LAMA3: variants seen among roughly 807,000 people sequenced by gnomAD.
LAMA3 encodes the protein laminin subunit alpha 3.
A neutral mutation model predicts 402.0 loss-of-function variants in LAMA3; 281 were observed. The observed-to-expected ratio is 0.70, with a 90% CI of 0.63 to 0.77. The LOEUF is 0.77. LAMA3 is among the 30% of genes least tolerant of loss of function. The pLI is 0.00. For synonymous variants in LAMA3, 1,431 were observed against 1,558.4 expected, an observed-to-expected ratio of 0.92 and a Z score of 1.93; for missense variants, 3,840 against 4,215.5, an observed-to-expected ratio of 0.91 and a Z score of 2.47.
At chr18:23,906,425 G>GT (rs2081250993) in intron 52 of LAMA3, among the ~76,000 whole-genome samples, 1 of 152,124 alleles carries the variant, frequency 6.6e-6, no homozygotes, top group African/African-American at 2.4e-5. Flanking sequence ...AAATTTTCAT[G>GT]TATTTTACTT....
intron 12 of LAMA3, among the ~76,000 whole-genome samples, chr18:23,794,672 G>A (rs1282083960): frequency 1.3e-5 from 2 of 152,154 alleles, no homozygotes; most frequent in African/African-American, 2.4e-5. Context: ...TCTAGGTGCA[G>A]GGAGACAGTC....
Position 23,808,340 on chromosome 18 carries a change from A to G in LAMA3, c.1604-2026A>G, listed in dbSNP as rs1477741268. ...ATGTAAATGCTACATAAATAGTTAT[A>G]TTACATTATTATTTTATTTGTATTA... is the stretch of plus-strand genomic sequence containing the variant. On this transcript the variant is annotated intron_variant, in intron 12 of 74. Transcript: ENST00000313654. Among the ~76,000 whole-genome samples the G allele has an allele frequency of 2.0e-5, 3 of 152,132 alleles. No individual in the cohort carries two copies. In the East Asian group the frequency reaches 5.8e-4, roughly 29 times the overall value.
At chr18:23,758,083 T>TA (rs943452086) in intron 6 of LAMA3, among the ~76,000 whole-genome samples, 83 of 152,144 alleles carry the variant, frequency 5.5e-4, no homozygotes, top group Non-Finnish European at 5.7e-4. Flanking sequence ...AACAATGGGG[T>TA]AGAGAAGACA....
At chr18:23,824,819 G>T (rs1054213682) in intron 21 of LAMA3, among the ~76,000 whole-genome samples, 36 of 152,174 alleles carry the variant, frequency 2.4e-4, no homozygotes, top group Non-Finnish European at 7.4e-5. Flanking sequence ...AGATAAAAAA[G>T]GTCTCCTAAA....
At chr18:23,812,956 G>A in intron 13 of LAMA3, 101 bp from the exon 14 acceptor site, 1 of 795,578 alleles carries the variant, frequency 1.3e-6, no homozygotes, top group Non-Finnish European at 2.2e-6. Context: ...TATAAATGTA[G>A]ATACACTATT....
chr18:23,909,136 T>C lies in LAMA3; in HGVS notation c.7016-17T>C. The C allele has an allele frequency of 6.2e-7, 1 of 1,612,192 alleles. No individual in the cohort carries two copies. Among genetic ancestry groups the C allele is most frequent in the Non-Finnish European group, 8.5e-7 (1 of 1,178,402 alleles). ...TAATGCACAATCTTACATTTCTATT[T>C]TTTTTCTCACCAACAGTGAATAAGT... On this transcript the variant is annotated splice_polypyrimidine_tract_variant and intron_variant, in intron 54 of 74. Transcript: ENST00000313654.
chr18:23,954,401 TAAA>T (rs11406615), intron 74 of LAMA3, 99 bp from the exon 75 acceptor site: 26,942 of 667,390 alleles, frequency 0.04, 4 homozygotes, highest in South Asian at 0.049. Context: ...GGACCCTGTC[TAAA>T]AAAAAAAAAA....
At position 23,864,809 on chromosome 18, in the gene LAMA3, A is replaced by G. The variant is rs2064312881; in HGVS notation, c.4609A>G (p.Thr1537Ala). The change falls in exon 36 of 75, where the codon ACT (threonine) becomes GCT (alanine). Residue 1537 changes from threonine to alanine, a missense_variant. Transcript: ENST00000313654. ...GGTTTCTTCATATGGTGGTTACCTC[A>G]CTTACCAAGCCAAGTCCTTTGGCTT... ...DKVSSYGGYL[T>A]YQAKSFGLPG... is the part of the protein sequence containing the mutation. 3.1e-6 allele frequency: 5 copies of G among 1,613,024 alleles called. No homozygotes were observed. The highest frequency in any genetic ancestry group is 1.3e-5 in the African/African-American group (1 of 74,884).
chr18:23,905,060 C>T (rs757904637), intron 51 of LAMA3, among the ~76,000 whole-genome samples: 2 of 152,024 alleles, frequency 1.3e-5, no homozygotes, highest in African/African-American at 2.4e-5. Context: ...TCTTACATCT[C>T]GGTGTGTCTG....
Position 23,953,128 on chromosome 18 carries a change from T to C in LAMA3, c.9856+19T>C, listed in dbSNP as rs2082979111. On this transcript the variant is annotated intron_variant, in intron 74 of 74. Transcript: ENST00000313654. ...GCTCCAGGTAACTCTTGTCCTGACT[T>C]CTATAATGTGTTGCCCTGTGTCAGC... 1 of 1,613,348 alleles carries C rather than the reference T, an allele frequency of 6.2e-7. No individual in the cohort carries two copies. The highest frequency in any genetic ancestry group is 1.1e-5 in the South Asian group (1 of 91,066).
intron 70 of LAMA3, among the ~76,000 whole-genome samples, chr18:23,947,613 T>C (rs1180414298): frequency 6.6e-6 from 1 of 152,152 alleles, no homozygotes; most frequent in East Asian, 1.9e-4. Context: ...CAATAAAGTA[T>C]ATTTATTATA....
At chr18:23,843,301 C>T (rs989070249) in intron 29 of LAMA3, among the ~76,000 whole-genome samples, 1 of 152,164 alleles carries the variant, frequency 6.6e-6, no homozygotes, top group African/African-American at 2.4e-5. Flanking sequence ...TGCGTATCTG[C>T]CTGGCCAGAG....
intron 2 of LAMA3, among the ~76,000 whole-genome samples, chr18:23,721,028 C>T (rs1303308206): frequency 6.6e-6 from 1 of 152,006 alleles, no homozygotes; most frequent in African/African-American, 2.4e-5. Flanking sequence ...CATGGTGGCA[C>T]ACACTTGTAG....
intron 23 of LAMA3, among the ~76,000 whole-genome samples, chr18:23,831,074 T>A (rs1293403970): frequency 6.6e-6 from 1 of 152,166 alleles, no homozygotes; most frequent in South Asian, 2.1e-4. Context: ...ATCCCGAACT[T>A]TTCTTGGCAT....
chr18:23,902,969 A>T, intron 48 of LAMA3, 40 bp from the exon 49 acceptor site: 1 of 1,163,910 alleles, frequency 8.6e-7, no homozygotes, highest in Non-Finnish European at 1.3e-6. Context: ...TTCTGATAAT[A>T]TATCATAGAG....
At position 23,839,658 on chromosome 18, in the gene LAMA3, TC is replaced by T; in HGVS notation, c.3192-122del. The T allele has an allele frequency of 1.1e-6, 1 of 931,402 alleles. No homozygotes were observed. The highest frequency in any genetic ancestry group is 2.5e-5 in the East Asian group (1 of 39,220). The allele number at this position is 931,402 out of a possible 1,614,324, so 57.7% of individuals were successfully genotyped here. A position where few individuals can be genotyped will look rare whatever the true frequency, so the allele number is the denominator to read the frequency against. On this transcript the variant is annotated intron_variant, in intron 26 of 74. Coordinates refer to ENST00000313654, the MANE Select transcript of LAMA3 (RefSeq NM_198129.4). This position sits in a 1 kb window ranked among gnomAD's most constrained non-coding sequence, Gnocchi z 4.5. Reference sequence around the variant, plus strand: ...ATAAAGATCCCTAGAGTTCTGTGCTTCCCCCAGCACTGGATCCTTTTGATGC... The same window carrying T: ...ATAAAGATCCCTAGAGTTCTGTGCTTCCCCAGCACTGGATCCTTTTGATGC...
intron 24 of LAMA3, chr18:23,834,485 C>T (rs576881397): frequency 5.7e-6 from 1 of 174,072 alleles, no homozygotes. Flanking sequence ...AAAATTTGCC[C>T]TGATGAAGTT....
At chr18:23,954,398 G>A in intron 74 of LAMA3, 105 bp from the exon 75 acceptor site, 1 of 757,088 alleles carries the variant, frequency 1.3e-6, no homozygotes, top group Non-Finnish European at 2.1e-6. Context: ...GCAGGACCCT[G>A]TCTAAAAAAA....
intron 27 of LAMA3, among the ~76,000 whole-genome samples, chr18:23,840,144 T>G (rs1598895866): frequency 6.6e-6 from 1 of 152,196 alleles, no homozygotes; most frequent in South Asian, 2.1e-4. Flanking sequence ...TACTGTCTTC[T>G]GTGAAGAGTC....
Sources: gnomAD v4.1 joint callset for allele counts (sites outside exome capture counted in the v4.1 genomes callset) on GRCh38, gnomAD v4.1.1 for gene constraint, Gnocchi (gnomAD v3.1) non-coding constraint, MANE v1.5 for transcripts, NCBI Gene and HGNC (gene_info 2026-07-23, HGNC 2026-07-21) for gene names.